The following ANKRD29 variants were observed in gnomAD, a reference collection of about 807,000 sequenced individuals.
ANKRD29 encodes the protein ankyrin repeat domain-containing protein 29.
Under a neutral mutation model 38.0 loss-of-function variants are expected in ANKRD29, and 32 were observed. The observed-to-expected ratio is 0.84, with a 90% confidence interval of 0.64 to 1.13. The LOEUF (loss-of-function observed/expected upper bound fraction) is 1.13. Ranked by LOEUF, ANKRD29 falls within the 50% of genes most tolerant of loss-of-function variation. The pLI, the probability that ANKRD29 is intolerant of heterozygous loss-of-function variation, is 0.00. For synonymous variants in ANKRD29, 135 were observed against 152.4 expected (o/e 0.89, Z 0.84); for missense variants, 357 against 377.9 (o/e 0.94, Z 0.46).
intron 4 of ANKRD29, 120 bp downstream of exon 4, chr18:23,638,729 T>C: frequency 1.3e-6 from 1 of 789,110 alleles, no homozygotes; most frequent in Non-Finnish European, 1.9e-6. Context: ...ATCCACTTAC[T>C]TAGGTTTGAG....
At chr18:23,646,137 C>A in intron 3 of ANKRD29, 52 bp downstream of exon 3, 1 of 1,554,354 alleles carries the variant, frequency 6.4e-7, no homozygotes, top group Non-Finnish European at 8.9e-7. Context: ...ATCATGAAAA[C>A]TTCAGATCTC....
chr18:23,604,134 A>G (rs2059547617), intron 9 of ANKRD29, among the ~76,000 whole-genome samples: 8 of 151,872 alleles, frequency 5.3e-5, no homozygotes, highest in Admixed American at 5.2e-4. Context: ...GAGCCACCGC[A>G]CTCAGGCTGC....
chr18:23,612,880 C>T (rs935397131), intron 8 of ANKRD29, among the ~76,000 whole-genome samples: 1 of 151,898 alleles, frequency 6.6e-6, no homozygotes, highest in South Asian at 2.1e-4. Context: ...GAGACTATAA[C>T]AAAACTAAGA....
At chr18:23,634,951 GC>G (rs2059983664) in intron 4 of ANKRD29, among the ~76,000 whole-genome samples, 1 of 152,206 alleles carries the variant, frequency 6.6e-6, no homozygotes, top group South Asian at 2.1e-4. Context: ...TGGGGCCATT[GC>G]CCTCATGGGA....
At chr18:23,612,054 A>G in intron 9 of ANKRD29, 38 bp downstream of exon 9, 2 of 1,584,662 alleles carry the variant, frequency 1.3e-6, no homozygotes, top group East Asian at 2.2e-5. Context: ...GGACACATCA[A>G]TGGGCCCAAA....
intron 1 of ANKRD29, among the ~76,000 whole-genome samples, chr18:23,660,156 A>C (rs2060340260): frequency 6.6e-6 from 1 of 152,226 alleles, no homozygotes; most frequent in African/African-American, 2.4e-5. Context: ...GCATCACTTC[A>C]TACTCCTACC....
chr18:23,620,193 C>T (rs948397209), intron 6 of ANKRD29, among the ~76,000 whole-genome samples: 16 of 152,150 alleles, frequency 1.1e-4, no homozygotes, highest in African/African-American at 3.9e-4. Flanking sequence ...ATTTCTCCTA[C>T]TCTTCTAGTC....
chr18:23,651,666 C>T (rs566941599), intron 1 of ANKRD29, among the ~76,000 whole-genome samples: 10 of 152,336 alleles, frequency 6.6e-5, no homozygotes, highest in Non-Finnish European at 1.0e-4. Context: ...AGACCATCTG[C>T]AAACAGCAAG....
intron 4 of ANKRD29, among the ~76,000 whole-genome samples, chr18:23,636,136 T>TTGTA (rs373976176): frequency 0.014 from 2,174 of 152,200 alleles, 46 homozygotes; most frequent in African/African-American, 0.049. Flanking sequence ...GCTGTTATTT[T>TTGTA]TGTATGTATG....
At chr18:23,648,615 C>T (rs1275700148) in intron 2 of ANKRD29, 2 of 311,398 alleles carry the variant, frequency 6.4e-6, no homozygotes, top group Non-Finnish European at 1.2e-5. Flanking sequence ...TTTTAAATTG[C>T]CAATTAGTGT....
intron 6 of ANKRD29, among the ~76,000 whole-genome samples, chr18:23,627,837 G>GAATCAATC (rs1251069564): frequency 6.6e-6 from 1 of 152,066 alleles, no homozygotes; most frequent in Admixed American, 6.6e-5. Context: ...ATCTGATTCA[G>GAATCAATC]AATCAATCAA....
chr18:23,662,621 CATCCCACCCCAT>C, intron 1 of ANKRD29, 77 bp downstream of exon 1: 3 of 389,122 alleles, frequency 7.7e-6, no homozygotes, highest in Non-Finnish European at 1.4e-5. Flanking sequence ...GCGCCCACCC[CATCCCACCCCAT>C]CCCACCCCAC....
intron 9 of ANKRD29, among the ~76,000 whole-genome samples, chr18:23,602,489 G>A (rs115984393): frequency 0.024 from 3,711 of 152,264 alleles, 147 homozygotes; most frequent in African/African-American, 0.085. Flanking sequence ...CATCCATTAG[G>A]CATCTAGTGA....
intron 8 of ANKRD29, among the ~76,000 whole-genome samples, chr18:23,613,464 G>A (rs1161060546): frequency 1.3e-5 from 2 of 152,094 alleles, no homozygotes; most frequent in Middle Eastern, 3.4e-3. Context: ...GAGCCACCAT[G>A]CCTGACCAGG....
chr18:23,649,263 A>G (rs2060180694), intron 1 of ANKRD29, 70 bp from the exon 2 acceptor site: 1 of 1,109,190 alleles, frequency 9.0e-7, no homozygotes, highest in Non-Finnish European at 1.3e-6. Flanking sequence ...ATGCACATAG[A>G]TAATAACATT....
chr18:23,662,449 G>A (rs116748156), intron 1 of ANKRD29, among the ~76,000 whole-genome samples: 2,580 of 152,178 alleles, frequency 0.017, 78 homozygotes, highest in African/African-American at 0.057. Context: ...CCCCGTCGCC[G>A]GGCACAGACT....
rs2059505280 is a variant in ANKRD29 at position 23,601,048 on chromosome 18, G to A, written c.*178C>T. ...GGTGAAGGGGCAAGAGGGTCCCTGA[G>A]CTGTTTGGTTCTTGACTTCGTGCAC... On this transcript the variant is annotated 3_prime_UTR_variant, in exon 10 of 10. Coordinates refer to ENST00000592179, the MANE Select transcript of ANKRD29 (RefSeq NM_173505.4). The A allele has an allele frequency of 1.8e-6, 1 of 563,474 alleles. No individual in the cohort carries two copies. The allele number at this position is 563,474 out of a possible 1,614,324, so 34.9% of individuals were successfully genotyped here. A position where few individuals can be genotyped will look rare whatever the true frequency, so the allele number is the denominator to read the frequency against.
At chr18:23,605,675 C>T (rs371954028) in intron 9 of ANKRD29, among the ~76,000 whole-genome samples, 187 of 151,904 alleles carry the variant, frequency 1.2e-3, no homozygotes, top group African/African-American at 4.3e-3. Flanking sequence ...TACAGGCATG[C>T]GCGACCATGC....
chr18:23,646,396 G>A (rs774930379), intron 2 of ANKRD29, 109 bp from the exon 3 acceptor site: 17 of 850,992 alleles, frequency 2.0e-5, no homozygotes, highest in Non-Finnish European at 2.9e-5. Context: ...ACATCCAAGG[G>A]CAAAATTCCC....
Sources: allele counts gnomAD v4.1 joint callset (sites outside exome capture counted in the v4.1 genomes callset), GRCh38; gene constraint gnomAD v4.1.1; transcripts MANE v1.5; gene names NCBI Gene and HGNC (gene_info 2026-07-23, HGNC 2026-07-21).